ANO3: variants seen among roughly 807,000 people sequenced by gnomAD.
ANO3 encodes anoctamin-3.
A neutral mutation model predicts 144.8 loss-of-function variants in ANO3; 99 were observed. The observed-to-expected ratio is 0.68, with a 90% CI of 0.58 to 0.81. ANO3 has a LOEUF of 0.81. Among genes scored for constraint, ANO3 ranks in the 30% least tolerant of loss-of-function variants. The pLI, the probability that ANO3 is intolerant of heterozygous loss-of-function variation, is 0.00. For missense variants in ANO3, 905 were observed against 1,202.2 expected, an observed-to-expected ratio of 0.75 and a Z score of 3.66; for synonymous variants, 414 against 392.6, an observed-to-expected ratio of 1.05 and a Z score of -0.64.
At chr11:26,372,461 A>C (rs1379782965) in intron 1 of ANO3, among the ~76,000 whole-genome samples, 1 of 152,218 alleles carries the variant, frequency 6.6e-6, no homozygotes, top group Non-Finnish European at 1.5e-5. Context: ...TATGTAAATT[A>C]ACCTAAACGA....
chr11:26,534,124 G>A (rs1849443169), intron 8 of ANO3, among the ~76,000 whole-genome samples: 1 of 152,146 alleles, frequency 6.6e-6, no homozygotes, highest in Non-Finnish European at 1.5e-5. Context: ...TGGTATGGGG[G>A]ATAACATGAA....
intron 1 of ANO3, among the ~76,000 whole-genome samples, chr11:26,315,516 T>A (rs965411825): frequency 4.6e-5 from 7 of 152,180 alleles, no homozygotes; most frequent in African/African-American, 1.7e-4. Flanking sequence ...AGGAGAAGTA[T>A]AATGAACTAG....
chr11:26,240,849 AATATTTT>A (rs1194172646), intron 1 of ANO3, among the ~76,000 whole-genome samples: 1 of 152,138 alleles, frequency 6.6e-6, no homozygotes, highest in Non-Finnish European at 1.5e-5. Flanking sequence ...AGACTCTCTT[AATATTTT>A]TAAATTTCTA....
At chr11:26,598,509 T>A in intron 15 of ANO3, 62 bp downstream of exon 15, 1 of 1,156,010 alleles carries the variant, frequency 8.7e-7, no homozygotes, top group South Asian at 1.4e-5. Flanking sequence ...GGAAAATTAC[T>A]GCCCTAGCAT....
chr11:26,415,164 A>T (rs535611355), intron 1 of ANO3, among the ~76,000 whole-genome samples: 1 of 151,974 alleles, frequency 6.6e-6, no homozygotes, highest in African/African-American at 2.4e-5. Flanking sequence ...AAGCTCCTCA[A>T]TATTCCCAGA....
At chr11:26,542,835 T>TATAG (rs3038208) in intron 11 of ANO3, among the ~76,000 whole-genome samples, 1 of 151,572 alleles carries the variant, frequency 6.6e-6, no homozygotes, top group Non-Finnish European at 1.5e-5. Flanking sequence ...TTTAGTTAAC[T>TATAG]ATATTTATAG....
At chr11:26,521,742 C>T (rs747622917) in intron 6 of ANO3, among the ~76,000 whole-genome samples, 26 of 152,274 alleles carry the variant, frequency 1.7e-4, no homozygotes, top group South Asian at 4.1e-4. Context: ...ACCTCTCACA[C>T]ATAAGAGAGT....
At chr11:26,387,808 G>A (rs923701946) in intron 1 of ANO3, among the ~76,000 whole-genome samples, 12 of 151,964 alleles carry the variant, frequency 7.9e-5, no homozygotes, top group Non-Finnish European at 1.5e-4. Context: ...ATTTTCTTTT[G>A]ATGGGCACCA....
At chr11:26,291,714 T>C (rs2133854315) in intron 1 of ANO3, among the ~76,000 whole-genome samples, 1 of 152,354 alleles carries the variant, frequency 6.6e-6, no homozygotes, top group Admixed American at 6.5e-5. Flanking sequence ...ATTTCTTTTC[T>C]TTAAGAATGT....
At chr11:26,639,774 G>A (rs61878643) in intron 21 of ANO3, among the ~76,000 whole-genome samples, 4,642 of 152,218 alleles carry the variant, frequency 0.03, 97 homozygotes, top group Non-Finnish European at 0.049. Flanking sequence ...CATTATTTTA[G>A]ATGTTTTAGC....
chr11:26,284,181 T>C (rs1325202639), intron 1 of ANO3, among the ~76,000 whole-genome samples: 2 of 152,150 alleles, frequency 1.3e-5, no homozygotes, highest in African/African-American at 4.8e-5. Flanking sequence ...TCATTCAGTC[T>C]ACTGCATGCA....
chr11:26,248,110 C>T (rs181907635), intron 1 of ANO3, among the ~76,000 whole-genome samples: 29 of 151,792 alleles, frequency 1.9e-4, no homozygotes, highest in African/African-American at 6.3e-4. Context: ...GAGGCCCAGG[C>T]GGGCGAATCA....
At chr11:26,588,601 AG>A (rs1420437704) in intron 14 of ANO3, among the ~76,000 whole-genome samples, 1 of 152,204 alleles carries the variant, frequency 6.6e-6, no homozygotes, top group East Asian at 1.9e-4. Context: ...TTTTTGCTCA[AG>A]TATATGCTGG....
chr11:26,528,388 G>A (rs539241012), intron 7 of ANO3, among the ~76,000 whole-genome samples: 5 of 152,108 alleles, frequency 3.3e-5, no homozygotes, highest in African/African-American at 4.8e-5. Flanking sequence ...TTCCTTCACA[G>A]GAAGTGTATG....
At chr11:26,450,102 A>T (rs1344183608) in intron 3 of ANO3, among the ~76,000 whole-genome samples, 1 of 152,028 alleles carries the variant, frequency 6.6e-6, no homozygotes, top group African/African-American at 2.4e-5. Flanking sequence ...CCTCCCTAAT[A>T]CATAGTTGTT....
intron 1 of ANO3, among the ~76,000 whole-genome samples, chr11:26,350,753 A>C (rs1223654394): frequency 1.3e-5 from 2 of 152,144 alleles, no homozygotes; most frequent in East Asian, 1.9e-4. Flanking sequence ...TGAATGAAAA[A>C]TTTTAACTCT....
intron 1 of ANO3, among the ~76,000 whole-genome samples, chr11:26,283,292 C>A: frequency 8.0e-6 from 1 of 124,492 alleles, no homozygotes. Flanking sequence ...TTAGCATAAC[C>A]ATATCTTACC....
intron 1 of ANO3, among the ~76,000 whole-genome samples, chr11:26,383,395 T>A (rs1856638868): frequency 6.6e-6 from 1 of 152,182 alleles, no homozygotes; most frequent in Non-Finnish European, 1.5e-5. Flanking sequence ...TCTGTCATGT[T>A]TAGCTGTGCA....
intron 24 of ANO3, among the ~76,000 whole-genome samples, chr11:26,655,074 C>T (rs1036887653): frequency 1.2e-4 from 18 of 152,086 alleles, no homozygotes; most frequent in African/African-American, 3.6e-4. Context: ...TTGTAGAAGG[C>T]CTTTTTCTCT....
Sources: allele counts gnomAD v4.1 joint callset (sites outside exome capture counted in the v4.1 genomes callset), GRCh38; gene constraint gnomAD v4.1.1; transcripts MANE v1.5; gene names NCBI Gene and HGNC (gene_info 2026-07-23, HGNC 2026-07-21).